ABCC4: variants seen among roughly 807,000 people sequenced by gnomAD.
The protein encoded by ABCC4 is ATP-binding cassette sub-family C member 4.
In ABCC4, 102 loss-of-function variants were observed where a neutral mutation model predicts 168.5. The observed-to-expected ratio is 0.61, with a 90% CI of 0.52 to 0.71. ABCC4 has a LOEUF of 0.71. Among genes scored for constraint, ABCC4 ranks in the 30% least tolerant of loss-of-function variants. The probability of loss-of-function intolerance (pLI) is 0.00; values close to 1 mark genes in which losing one functional copy is unlikely to be tolerated. For missense variants in ABCC4, 1,402 were observed against 1,605.8 expected (o/e 0.87, Z 2.17); for synonymous variants, 617 against 590.7 (o/e 1.04, Z -0.65).
At chr13:95,295,692 C>T (rs995577360) in intron 1 of ABCC4, among the ~76,000 whole-genome samples, 7 of 151,552 alleles carry the variant, frequency 4.6e-5, no homozygotes, top group Admixed American at 1.3e-4. Flanking sequence ...TGTCCAGGTG[C>T]GGTGGCTCAT....
chr13:95,255,350 A>G (rs2040366655), intron 1 of ABCC4, among the ~76,000 whole-genome samples: 1 of 152,186 alleles, frequency 6.6e-6, no homozygotes, highest in African/African-American at 2.4e-5. Flanking sequence ...CTCCAAGGGG[A>G]GCCCGACACA....
intron 1 of ABCC4, among the ~76,000 whole-genome samples, chr13:95,265,094 C>T (rs1392840149): frequency 6.6e-6 from 1 of 152,038 alleles, no homozygotes; most frequent in Non-Finnish European, 1.5e-5. Flanking sequence ...GTCTCGAACT[C>T]CTGACCTCAG....
At chr13:95,090,423 A>G (rs1037742742) in intron 20 of ABCC4, among the ~76,000 whole-genome samples, 2 of 152,198 alleles carry the variant, frequency 1.3e-5, no homozygotes, top group Non-Finnish European at 2.9e-5. Flanking sequence ...AGAGACCCAA[A>G]GAGATCTCTG....
At chr13:95,194,518 C>T (rs1173021577) in intron 9 of ABCC4, among the ~76,000 whole-genome samples, 1 of 152,234 alleles carries the variant, frequency 6.6e-6, no homozygotes, top group Non-Finnish European at 1.5e-5. Flanking sequence ...CCATGCTGCA[C>T]CCCTAGTCTG....
chr13:95,022,595 T>C (rs1028461706), intron 30 of ABCC4, among the ~76,000 whole-genome samples: 23 of 152,298 alleles, frequency 1.5e-4, no homozygotes, highest in Middle Eastern at 3.4e-3. Flanking sequence ...TAATTTTTTT[T>C]CCCCAAAGAA....
intron 20 of ABCC4, among the ~76,000 whole-genome samples, chr13:95,089,543 G>A (rs771454460): frequency 1.7e-4 from 26 of 152,076 alleles, no homozygotes; most frequent in Non-Finnish European, 3.1e-4. Context: ...ACTTGCAACC[G>A]GAAGCTGAGA....
chr13:95,104,919 C>T (rs966648762), intron 20 of ABCC4, among the ~76,000 whole-genome samples: 8 of 152,024 alleles, frequency 5.3e-5, no homozygotes, highest in South Asian at 2.1e-4. Flanking sequence ...ACTGGTTTCG[C>T]GGAGGACAAT....
At position 95,074,304 on chromosome 13, in the gene ABCC4, T is replaced by G; in HGVS notation, c.2827A>C (p.Thr943Pro). 6.2e-7 allele frequency: 1 copy of G among 1,613,242 alleles called. No individual in the cohort carries two copies. The highest frequency in any genetic ancestry group is 1.1e-5 in the South Asian group (1 of 90,822). ...LHSEAWFLFL[T>P]TSRWFAVRLD... is the part of the protein sequence containing the mutation. ...CGGACGGCAAACCAGCGGGACGTTG[T>G]CAAAAACAAGAACCAAGCCTCTGAA... The change falls in exon 23 of 31, where the codon ACA (threonine) becomes CCA (proline). Residue 943 changes from threonine to proline, a missense_variant. This residue lies in a region of ABCC4 where 1,007 missense variants were observed against 1,127.3 expected (regional missense o/e 0.89). Coordinates refer to ENST00000645237, the MANE Select transcript of ABCC4 (RefSeq NM_005845.5).
At chr13:95,292,417 G>C (rs765919551) in intron 1 of ABCC4, among the ~76,000 whole-genome samples, 1 of 152,078 alleles carries the variant, frequency 6.6e-6, no homozygotes, top group Non-Finnish European at 1.5e-5. Flanking sequence ...ACTATGAGGC[G>C]AGCATATGAA....
At chr13:95,143,532 T>G (rs1004702458) in intron 19 of ABCC4, among the ~76,000 whole-genome samples, 1 of 152,178 alleles carries the variant, frequency 6.6e-6, no homozygotes, top group Non-Finnish European at 1.5e-5. Context: ...TCTCTCCTTT[T>G]TATTAAAATA....
intron 20 of ABCC4, among the ~76,000 whole-genome samples, chr13:95,109,023 A>C (rs2035108633): frequency 6.6e-6 from 1 of 152,060 alleles, no homozygotes. Flanking sequence ...TAGATTATTT[A>C]TGTTTATTGG....
chr13:95,081,634 A>G lies in ABCC4; in HGVS notation c.2686+1506T>C, dbSNP rs570243815. Among the ~76,000 whole-genome samples, 6 of 152,304 alleles carry G rather than the reference A, an allele frequency of 3.9e-5. No homozygotes were observed. The East Asian group carries it at 1.2e-3, about 29-fold the overall frequency. On this transcript the variant is annotated intron_variant, in intron 21 of 30. Coordinates refer to ENST00000645237, the MANE Select transcript of ABCC4 (RefSeq NM_005845.5). ...CTTAGCTGGTTTTCTTGATGACTGA[A>G]AAGTTTTTCTACAACTTTTATGGAC...
intron 19 of ABCC4, among the ~76,000 whole-genome samples, chr13:95,158,640 C>A (rs2036961611): frequency 6.6e-6 from 1 of 152,146 alleles, no homozygotes; most frequent in South Asian, 2.1e-4. Context: ...GTCTTTCTAC[C>A]CCACTCAAAG....
chr13:95,070,829 T>C (rs2033698892), intron 25 of ABCC4, among the ~76,000 whole-genome samples: 1 of 151,346 alleles, frequency 6.6e-6, no homozygotes, highest in African/African-American at 2.4e-5. Context: ...AAAGAAAGAG[T>C]TTGCAGTGAA....
In ABCC4 at chr13:95,159,132, T is replaced by TATATAA. The variant is rs1486901839; in HGVS notation, c.2455+2056_2455+2057insTTATAT. On this transcript the variant is annotated intron_variant, in intron 19 of 30. Transcript: ENST00000645237. ...ATATATATATATATATATATATATA[T>TATATAA]AACTATTGAAGTGCATACAATCAGT... Among the ~76,000 whole-genome samples the TATATAA allele has an allele frequency of 3.1e-4, 38 of 124,392 alleles. 1 individual carries two copies. The highest frequency in any genetic ancestry group is 1.2e-3 in the African/African-American group (38 of 30,694). The allele number at this position is 124,392 out of a possible 152,430, so 81.6% of individuals were successfully genotyped here. A position where few individuals can be genotyped will look rare whatever the true frequency, so the allele number is the denominator to read the frequency against.
intron 10 of ABCC4, 30 bp from the exon 11 acceptor site, chr13:95,186,922 C>A: frequency 6.3e-7 from 1 of 1,578,874 alleles, no homozygotes; most frequent in South Asian, 1.2e-5. Context: ...AGCACATGTT[C>A]AGTCAACACT....
intron 30 of ABCC4, among the ~76,000 whole-genome samples, chr13:95,022,743 T>C (rs2031164498): frequency 6.6e-6 from 1 of 152,190 alleles, no homozygotes; most frequent in Admixed American, 6.5e-5. Flanking sequence ...TATTGGTGGG[T>C]GCTGTCAACA....
intron 26 of ABCC4, 90 bp downstream of exon 26, chr13:95,062,614 C>A (rs1394575096): frequency 8.2e-7 from 1 of 1,220,116 alleles, no homozygotes; most frequent in Non-Finnish European, 1.1e-6. Flanking sequence ...ACAATCCTTT[C>A]ATCCAATTAA....
intron 25 of ABCC4, among the ~76,000 whole-genome samples, chr13:95,064,254 GTGTGTGTATATATA>G (rs1425522717): frequency 0.22 from 5,077 of 23,490 alleles, 217 homozygotes; most frequent in Middle Eastern, 0.32. Context: ...GGGTGTGTGT[GTGTGTGTATATATA>G]TATATATATA....
Sources: gnomAD v4.1 joint callset for allele counts (sites outside exome capture counted in the v4.1 genomes callset) on GRCh38, gnomAD v4.1.1 for gene constraint, gnomAD v4.1.1 regional missense constraint, MANE v1.5 for transcripts, NCBI Gene and HGNC (gene_info 2026-07-23, HGNC 2026-07-21) for gene names.